SLC37A3: variants seen among roughly 807,000 people sequenced by gnomAD.
The protein encoded by SLC37A3 is sugar phosphate exchanger 3.
A neutral mutation model predicts 67.1 loss-of-function variants in SLC37A3; 51 were observed. The ratio of observed to expected loss-of-function variants is 0.76; its 90% CI spans 0.61 to 0.96. The LOEUF is 0.96. Among genes scored for constraint, SLC37A3 ranks in the 40% least tolerant of loss-of-function variants. SLC37A3 has a pLI of 0.00. For missense variants in SLC37A3, 508 were observed against 603.0 expected (o/e 0.84, Z 1.65); for synonymous variants, 214 against 231.4 (o/e 0.92, Z 0.68).
chr7:140,383,514 GATCTTCT>G (rs1798336846), intron 1 of SLC37A3, among the ~76,000 whole-genome samples: 1 of 152,044 alleles, frequency 6.6e-6, no homozygotes, highest in Non-Finnish European at 1.5e-5. Flanking sequence ...TGTTCTAAAT[GATCTTCT>G]ATTGCCTTGA....
chr7:140,335,031 G>A lies in SLC37A3; in HGVS notation c.*381C>T, dbSNP rs1190203307. 9 of 552,644 alleles carry A rather than the reference G, an allele frequency of 1.6e-5. No individual in the cohort carries two copies. Among genetic ancestry groups the A allele is most frequent in the African/African-American group, 5.7e-5 (3 of 52,940 alleles). 34.2% of individuals were successfully genotyped at this position (552,644 alleles called of 1,614,324 possible). A position where few individuals can be genotyped will look rare whatever the true frequency, so the allele number is the denominator to read the frequency against. On this transcript the variant is annotated 3_prime_UTR_variant, in exon 15 of 15. Coordinates refer to ENST00000326232, the MANE Select transcript of SLC37A3 (RefSeq NM_207113.3). ...AACATACCACCAACACAAACCACGC[G>A]TGGCTTTGCCTCCTGTTCACTCCAT... is the stretch of plus-strand genomic sequence containing the variant.
At chr7:140,337,261 T>C in intron 14 of SLC37A3, 23 bp downstream of exon 14, 1 of 1,539,448 alleles carries the variant, frequency 6.5e-7, no homozygotes, top group Non-Finnish European at 8.7e-7. Flanking sequence ...GACTTTTTTT[T>C]TTTTAAAGGG....
intron 3 of SLC37A3, among the ~76,000 whole-genome samples, chr7:140,377,409 G>A (rs1391417316): frequency 6.6e-6 from 1 of 152,000 alleles, no homozygotes; most frequent in African/African-American, 2.4e-5. Flanking sequence ...GATAATTTTA[G>A]ATTCTCTAGC....
At chr7:140,386,147 T>C (rs1798440539) in intron 1 of SLC37A3, among the ~76,000 whole-genome samples, 1 of 152,112 alleles carries the variant, frequency 6.6e-6, no homozygotes, top group African/African-American at 2.4e-5. Context: ...TGGAGTGCAG[T>C]GGCACAACCT....
chr7:140,390,887 G>A (rs1190909265), intron 1 of SLC37A3, among the ~76,000 whole-genome samples: 1 of 151,960 alleles, frequency 6.6e-6, no homozygotes, highest in Non-Finnish European at 1.5e-5. Context: ...TCCCCCTCCT[G>A]TCCTCATTTC....
chr7:140,358,627 G>A lies in SLC37A3; in HGVS notation c.521+13C>T. The A allele has an allele frequency of 6.2e-7, 1 of 1,613,438 alleles. No homozygotes were observed. Among genetic ancestry groups the A allele is most frequent in the Non-Finnish European group, 8.5e-7 (1 of 1,179,510 alleles). On this transcript the variant is annotated intron_variant, in intron 6 of 14. Transcript: ENST00000326232. ...CTTAAACAGAGAAATTAGAGAGGAA[G>A]GAAGTGGCATACCCGGCTTTCCCAA...
chr7:140,355,564 T>C, intron 7 of SLC37A3, 104 bp downstream of exon 7: 1 of 1,050,026 alleles, frequency 9.5e-7, no homozygotes, highest in Admixed American at 2.1e-5. Context: ...GACACAGTTC[T>C]ACATAGTTTT....
chr7:140,346,545 C>T (rs1002509370), intron 10 of SLC37A3, among the ~76,000 whole-genome samples: 2 of 152,208 alleles, frequency 1.3e-5, no homozygotes, highest in African/African-American at 4.8e-5. Flanking sequence ...CTATCCCTTA[C>T]AAAAACAAGT....
At chr7:140,367,901 C>A (rs1797666800) in intron 4 of SLC37A3, among the ~76,000 whole-genome samples, 1 of 150,452 alleles carries the variant, frequency 6.6e-6, no homozygotes, top group Admixed American at 6.7e-5. Context: ...CTCACTGCAA[C>A]CTCCTCCTCC....
At chr7:140,363,752 AAAAAAAAAAAAAAG>A (rs1352044618) in intron 5 of SLC37A3, among the ~76,000 whole-genome samples, 1 of 26,276 alleles carries the variant, frequency 3.8e-5, no homozygotes, top group African/African-American at 1.1e-4. Flanking sequence ...AAAAAAAAAA[AAAAAAAAAAAAAAG>A]AAAGGAGCGG....
intron 7 of SLC37A3, 72 bp downstream of exon 7, chr7:140,355,596 A>G: frequency 7.8e-7 from 1 of 1,290,294 alleles, no homozygotes; most frequent in Non-Finnish European, 1.1e-6. Flanking sequence ...GTATTATTTA[A>G]TACATAAAAA....
In SLC37A3 at chr7:140,336,193, C is replaced by T. The variant is rs60724192; in HGVS notation, c.1393-689G>A. Among the ~76,000 whole-genome samples, 1,013 of 152,332 alleles carry T rather than the reference C, an allele frequency of 6.6e-3. 10 individuals carry two copies. Among genetic ancestry groups the T allele is most frequent in the African/African-American group, 0.023 (959 of 41,568 alleles). ...AACAGAGAGCAATATTTTAAAAGCA[C>T]AAAGCCTCAGGAGTTTGAGACCAGC... On this transcript the variant is annotated intron_variant, in intron 14 of 14. Transcript: ENST00000326232.
chr7:140,353,887 T>C (rs1035240596), intron 7 of SLC37A3, among the ~76,000 whole-genome samples: 2 of 152,102 alleles, frequency 1.3e-5, no homozygotes, highest in Admixed American at 6.5e-5. Flanking sequence ...AATTTTTGTA[T>C]TTTTAGTAGA....
intron 5 of SLC37A3, among the ~76,000 whole-genome samples, chr7:140,363,740 C>CAAAAAAAAAA (rs71170980): frequency 9.3e-6 from 1 of 107,862 alleles, no homozygotes; most frequent in Non-Finnish European, 1.8e-5. Flanking sequence ...AACTCCGCCT[C>CAAAAAAAAAA]AAAAAAAAAA....
chr7:140,367,115 G>T lies in SLC37A3; in HGVS notation c.291+2475C>A, dbSNP rs142812150. On this transcript the variant is annotated intron_variant, in intron 4 of 14. Transcript: ENST00000326232. ...ATTGTGCCACTGCACTCCAGCCTGG[G>T]CAACACAGCAAGACTCCATCTCAAA... Among the ~76,000 whole-genome samples, 352 of 151,494 alleles carry T rather than the reference G, an allele frequency of 2.3e-3. 7 individuals carry two copies. The East Asian group carries it at 0.025, about 11-fold the overall frequency.
chr7:140,351,812 A>C (rs957265426), intron 8 of SLC37A3: 2 of 600,384 alleles, frequency 3.3e-6, no homozygotes, highest in African/African-American at 3.7e-5. Flanking sequence ...CAATTATAAA[A>C]ATAATTTGCA....
intron 1 of SLC37A3, among the ~76,000 whole-genome samples, chr7:140,396,533 T>G (rs147653456): frequency 6.6e-6 from 1 of 152,308 alleles, no homozygotes; most frequent in African/African-American, 2.4e-5. Context: ...TTCCTCCCTG[T>G]TTTTGGACAT....
chr7:140,386,662 G>A (rs1359718684), intron 1 of SLC37A3: 1 of 152,120 alleles, frequency 6.6e-6, no homozygotes, highest in East Asian at 1.9e-4. Flanking sequence ...TCAAGTATGT[G>A]TAAATGCTGT....
At chr7:140,351,556 C>T in intron 8 of SLC37A3, 105 bp from the exon 9 acceptor site, 1 of 1,236,614 alleles carries the variant, frequency 8.1e-7, no homozygotes, top group Non-Finnish European at 1.1e-6. Flanking sequence ...TTCCATTTTA[C>T]AGAAGCAGCA....
Sources: allele counts gnomAD v4.1 joint callset (sites outside exome capture counted in the v4.1 genomes callset), GRCh38; gene constraint gnomAD v4.1.1; transcripts MANE v1.5; gene names NCBI Gene and HGNC (gene_info 2026-07-23, HGNC 2026-07-21).